The following XKR9 variants were observed in gnomAD, a reference collection of about 807,000 sequenced individuals.
The protein encoded by XKR9 is XK related 9.
In XKR9, 32 loss-of-function variants were observed where a neutral mutation model predicts 32.0. The ratio of observed to expected loss-of-function variants is 1.00; its 90% CI spans 0.76 to 1.34. The LOEUF (loss-of-function observed/expected upper bound fraction) is 1.34, where lower values mean the gene tolerates loss of function less well. XKR9 is among the 40% of genes most tolerant of loss of function. XKR9 has a pLI of 0.00. For missense variants in XKR9, 546 were observed against 429.7 expected (o/e 1.27, Z -2.39); for synonymous variants, 168 against 143.4 (o/e 1.17, Z -1.22).
At chr8:70,960,402 T>C in the XKR9 span, among the ~76,000 whole-genome samples, 1 of 152,202 alleles carries the variant, frequency 6.6e-6, no homozygotes, top group Non-Finnish European at 1.5e-5. Context: ...TACTTAAGCC[T>C]GGACACATGA....
chr8:70,711,869 T>C (rs1028230621), intron 4 of XKR9, among the ~76,000 whole-genome samples: 3 of 98,718 alleles, frequency 3.0e-5, no homozygotes, highest in Admixed American at 9.9e-5. Context: ...CAAAAAACTA[T>C]GTATTGGGTA....
At chr8:70,880,426 G>A in the XKR9 span, among the ~76,000 whole-genome samples, 1 of 152,204 alleles carries the variant, frequency 6.6e-6, no homozygotes, top group East Asian at 1.9e-4. Flanking sequence ...TAGGCAAAGT[G>A]TCAGGATGCA....
At chr8:70,813,890 C>A in the XKR9 span, among the ~76,000 whole-genome samples, 1 of 152,162 alleles carries the variant, frequency 6.6e-6, no homozygotes, top group Admixed American at 6.5e-5. Context: ...TGTGGCGATT[C>A]CTCAGGGATC....
At chr8:70,905,674 G>T in the XKR9 span, among the ~76,000 whole-genome samples, 1 of 152,192 alleles carries the variant, frequency 6.6e-6, no homozygotes, top group African/African-American at 2.4e-5. Context: ...CTGGCAAGGA[G>T]CTGCGTTCCT....
intron 4 of XKR9, among the ~76,000 whole-genome samples, chr8:70,709,697 C>T (rs1293675311): frequency 6.6e-6 from 1 of 152,140 alleles, no homozygotes; most frequent in African/African-American, 2.4e-5. Flanking sequence ...ATCCCTTTTA[C>T]AGCAGCCACA....
chr8:70,938,128 T>G, the XKR9 span, among the ~76,000 whole-genome samples: 1,472 of 152,060 alleles, frequency 9.7e-3, 23 homozygotes, highest in African/African-American at 0.034. Flanking sequence ...GGGCCAAAAA[T>G]TTTAGTGATG....
At chr8:70,755,371 A>C (rs936066717) in intron 2 of XKR9, among the ~76,000 whole-genome samples, 1 of 152,214 alleles carries the variant, frequency 6.6e-6, no homozygotes, top group Non-Finnish European at 1.5e-5. Flanking sequence ...GGGATCTAGA[A>C]CTAGAAATAC....
chr8:70,900,116 G>C, the XKR9 span, among the ~76,000 whole-genome samples: 2 of 150,000 alleles, frequency 1.3e-5, no homozygotes, highest in Non-Finnish European at 3.0e-5. Flanking sequence ...AAAAAAATTA[G>C]TCTTTTTTTT....
rs1269782206 is a variant in XKR9 at position 70,767,501 on chromosome 8, T to C, written n.353-21838T>C. Among the ~76,000 whole-genome samples the C allele has an allele frequency of 2.3e-3, 319 of 137,336 alleles. 4 individuals are homozygous for C. The highest frequency in any genetic ancestry group is 8.1e-3 in the African/African-American group (306 of 37,980). 90.1% of individuals were successfully genotyped at this position (137,336 alleles called of 152,430 possible). A position where few individuals can be genotyped will look rare whatever the true frequency, so the allele number is the denominator to read the frequency against. ...GATTCTTCTCTCTTTTCCTTCTTTT[T>C]TTTTTTTTTTTTTTTGAGATGGAGT... is the stretch of plus-strand genomic sequence containing the variant. On this transcript the variant is annotated intron_variant and non_coding_transcript_variant, in intron 2 of 3. Coordinates refer to the XKR9 transcript ENST00000520273.
At chr8:70,882,902 C>T in the XKR9 span, among the ~76,000 whole-genome samples, 2,233 of 149,356 alleles carry the variant, frequency 0.015, 49 homozygotes, top group African/African-American at 0.054. Context: ...CCTAAATCCC[C>T]CTGTGCTTTA....
At chr8:70,929,394 C>T in the XKR9 span, among the ~76,000 whole-genome samples, 2 of 152,196 alleles carry the variant, frequency 1.3e-5, no homozygotes, top group African/African-American at 2.4e-5. Flanking sequence ...TTTTCTCTTT[C>T]TGTATAACAG....
downstream of XKR9, among the ~76,000 whole-genome samples, chr8:70,791,633 C>G (rs998916131): frequency 2.6e-5 from 4 of 151,984 alleles, no homozygotes; most frequent in Non-Finnish European, 5.9e-5. Flanking sequence ...CTTTTACTCT[C>G]TTTACCCTGT....
chr8:70,976,553 C>T, the XKR9 span, among the ~76,000 whole-genome samples: 1 of 152,146 alleles, frequency 6.6e-6, no homozygotes, highest in Non-Finnish European at 1.5e-5. Flanking sequence ...AGACTTGCAT[C>T]CCAGGGATGA....
the XKR9 span, among the ~76,000 whole-genome samples, chr8:70,801,771 C>G: frequency 6.6e-6 from 1 of 152,072 alleles, no homozygotes; most frequent in Non-Finnish European, 1.5e-5. Context: ...GTGGAAGTCT[C>G]TCACTATTAT....
the XKR9 span, among the ~76,000 whole-genome samples, chr8:70,915,140 G>T: frequency 6.6e-6 from 1 of 152,026 alleles, no homozygotes; most frequent in Non-Finnish European, 1.5e-5. Context: ...TTACCAATCT[G>T]GGTGGTACCA....
the XKR9 span, among the ~76,000 whole-genome samples, chr8:70,829,076 C>A: frequency 6.6e-6 from 1 of 152,104 alleles, no homozygotes; most frequent in Non-Finnish European, 1.5e-5. Flanking sequence ...ATTTCTTTGG[C>A]CTTTATTGTC....
the XKR9 span, among the ~76,000 whole-genome samples, chr8:70,969,659 A>G: frequency 7.9e-5 from 12 of 152,208 alleles, no homozygotes; most frequent in Non-Finnish European, 1.2e-4. Flanking sequence ...AAATGACTAC[A>G]TCTGGCATTA....
chr8:70,737,069 T>A (rs1806876688), downstream of XKR9, among the ~76,000 whole-genome samples: 1 of 151,844 alleles, frequency 6.6e-6, no homozygotes, highest in South Asian at 2.1e-4. Flanking sequence ...AGTATGGCCA[T>A]TTTCATGATA....
chr8:70,754,621 T>C (rs534501344), intron 2 of XKR9, among the ~76,000 whole-genome samples: 59 of 151,550 alleles, frequency 3.9e-4, no homozygotes, highest in African/African-American at 1.4e-3. Context: ...CATCTACAAC[T>C]ATCTGATCTT....
Sources: gnomAD v4.1 joint callset for allele counts (sites outside exome capture counted in the v4.1 genomes callset) on GRCh38, gnomAD v4.1.1 for gene constraint, MANE v1.5 for transcripts, NCBI Gene and HGNC (gene_info 2026-07-23, HGNC 2026-07-21) for gene names.